CNTN5: variants seen among roughly 807,000 people sequenced by gnomAD.
The protein encoded by CNTN5 is contactin-5.
In CNTN5, 77 loss-of-function variants were observed where a neutral mutation model predicts 129.1. The ratio of observed to expected loss-of-function variants is 0.60; its 90% CI spans 0.50 to 0.72. The LOEUF (loss-of-function observed/expected upper bound fraction) is 0.72, where lower values mean the gene tolerates loss of function less well. CNTN5 is among the 30% of genes least tolerant of loss of function. The pLI is 0.00. For synonymous variants in CNTN5, 509 were observed against 465.6 expected, an observed-to-expected ratio of 1.09 and a Z score of -1.20; for missense variants, 1,478 against 1,328.8, an observed-to-expected ratio of 1.11 and a Z score of -1.75.
At chr11:100,180,255 G>A (rs57551351) in intron 13 of CNTN5, among the ~76,000 whole-genome samples, 4,712 of 152,078 alleles carry the variant, frequency 0.031, 245 homozygotes, top group African/African-American at 0.11. Flanking sequence ...TAATGCTGGT[G>A]CAGGAATAGA....
chr11:99,111,532 C>T (rs950670302), intron 1 of CNTN5, among the ~76,000 whole-genome samples: 3 of 151,950 alleles, frequency 2.0e-5, no homozygotes, highest in Admixed American at 6.6e-5. Context: ...CAGAAAATTA[C>T]GGAGTCAGTG....
chr11:100,052,340 C>A (rs1023185679), intron 9 of CNTN5, among the ~76,000 whole-genome samples: 2 of 151,582 alleles, frequency 1.3e-5, no homozygotes, highest in Non-Finnish European at 3.0e-5. Context: ...TAACGGGAGA[C>A]CTGGACAGTA....
At chr11:99,551,875 T>C (rs1217456397) in intron 2 of CNTN5, among the ~76,000 whole-genome samples, 3 of 152,036 alleles carry the variant, frequency 2.0e-5, no homozygotes, top group Admixed American at 1.3e-4. Context: ...AGCACATGAC[T>C]GTAGTATGAA....
intron 3 of CNTN5, 147 bp from the exon 4 acceptor site, chr11:99,819,397 C>T (rs1350612032): frequency 1.6e-6 from 1 of 614,258 alleles, no homozygotes; most frequent in Non-Finnish European, 2.7e-6. Context: ...ATAAAAGTAA[C>T]ATTTTTTCAC....
chr11:99,649,800 C>G (rs568758920), intron 3 of CNTN5, among the ~76,000 whole-genome samples: 3 of 151,654 alleles, frequency 2.0e-5, no homozygotes, highest in Admixed American at 1.3e-4. Flanking sequence ...AGACTTGATT[C>G]ATTTGGCTCT....
At position 99,197,208 on chromosome 11, in the gene CNTN5, A is replaced by G. The variant is rs1305566889; in HGVS notation, c.-209-128138A>G. 3.3e-5 allele frequency among the ~76,000 whole-genome samples: 5 copies of G among 152,014 alleles called. No homozygotes were observed. The East Asian group carries it at 9.6e-4, about 29-fold the overall frequency. ...GAATGATTAATATGTTAGATACAACATATTCTTTGACCACAAAATTATACA... is the reference window on the plus strand; with the variant it reads ...GAATGATTAATATGTTAGATACAACGTATTCTTTGACCACAAAATTATACA... On this transcript the variant is annotated intron_variant, in intron 1 of 24. Transcript: ENST00000524871.
chr11:99,311,077 C>T (rs1051825452), intron 1 of CNTN5, among the ~76,000 whole-genome samples: 1 of 152,034 alleles, frequency 6.6e-6, no homozygotes, highest in Admixed American at 6.6e-5. Context: ...TACAGGTGCA[C>T]GATACCACGC....
Position 99,029,818 on chromosome 11 carries a change from C to T in CNTN5, c.-210+8548C>T, listed in dbSNP as rs369737228. ...TTCTCAGTTTTTCCCTTTACTGTGA[C>T]TTGTACAGGTCACCTTGCTTCTCTC... is the stretch of plus-strand genomic sequence containing the variant. On this transcript the variant is annotated intron_variant, in intron 1 of 24. Transcript: ENST00000524871. 4.3e-4 allele frequency among the ~76,000 whole-genome samples: 66 copies of T among 152,198 alleles called. 1 individual carries two copies. The South Asian group carries it at 0.013, about 31-fold the overall frequency.
At chr11:100,328,392 A>G (rs973881691) in intron 21 of CNTN5, among the ~76,000 whole-genome samples, 5 of 152,128 alleles carry the variant, frequency 3.3e-5, no homozygotes, top group African/African-American at 1.2e-4. Flanking sequence ...CCTTCTTGCA[A>G]TCCTATGAAG....
chr11:99,115,174 T>C (rs1857983955), intron 1 of CNTN5, among the ~76,000 whole-genome samples: 1 of 152,158 alleles, frequency 6.6e-6, no homozygotes, highest in Admixed American at 6.5e-5. Context: ...GTGGTATTTT[T>C]GTTATAGCAC....
intron 1 of CNTN5, among the ~76,000 whole-genome samples, chr11:99,096,998 G>A (rs368842174): frequency 1.3e-5 from 2 of 151,852 alleles, no homozygotes; most frequent in African/African-American, 4.8e-5. Flanking sequence ...TGTTGTGTAT[G>A]TGTATACAGT....
Position 99,889,331 on chromosome 11 carries a change from TGTG to T in CNTN5, c.578-26722_578-26720del, listed in dbSNP as rs1565642845. The stretch of plus-strand genomic sequence containing the variant: ...GTGTGTGTGTGTGTGTGTGTGTGTG[TGTG>T]TGTGTGTGTGTGTGTGTGTGTGTAT... On this transcript the variant is annotated intron_variant, in intron 6 of 24. Transcript: ENST00000524871. Among the ~76,000 whole-genome samples the T allele has an allele frequency of 3.2e-3, 181 of 57,266 alleles. 5 individuals are homozygous for T. The highest frequency in any genetic ancestry group is 0.01 in the Middle Eastern group (1 of 96). The allele number at this position is 57,266 out of a possible 152,430, so 37.6% of individuals were successfully genotyped here.
intron 7 of CNTN5, among the ~76,000 whole-genome samples, chr11:99,955,567 C>G (rs555375121): frequency 2.0e-5 from 3 of 151,508 alleles, no homozygotes; most frequent in African/African-American, 7.2e-5. Flanking sequence ...TGTAATTTCC[C>G]CTTTTTTTTT....
chr11:99,380,058 A>G (rs1381743169), intron 2 of CNTN5, among the ~76,000 whole-genome samples: 2 of 150,208 alleles, frequency 1.3e-5, no homozygotes, highest in South Asian at 2.1e-4. Context: ...CCCGTATACA[A>G]TGGTGGTCTC....
intron 2 of CNTN5, among the ~76,000 whole-genome samples, chr11:99,498,034 A>G (rs1416780064): frequency 6.6e-6 from 1 of 152,146 alleles, no homozygotes; most frequent in Non-Finnish European, 1.5e-5. Flanking sequence ...GTTCAGGCGT[A>G]TAGTCTTGCC....
chr11:99,733,321 CAAAAAAA>C (rs35576351), intron 3 of CNTN5, among the ~76,000 whole-genome samples: 2 of 96,196 alleles, frequency 2.1e-5, no homozygotes, highest in African/African-American at 7.1e-5. Flanking sequence ...GATTCTGTCT[CAAAAAAA>C]AAAAAAAAAA....
At chr11:100,272,630 AT>A (rs1381224072) in intron 18 of CNTN5, among the ~76,000 whole-genome samples, 1 of 152,148 alleles carries the variant, frequency 6.6e-6, no homozygotes, top group Admixed American at 6.5e-5. Context: ...CTCCTAACAG[AT>A]CTTCACAGGG....
At chr11:99,531,263 C>T (rs10893463) in intron 2 of CNTN5, among the ~76,000 whole-genome samples, 40,126 of 151,972 alleles carry the variant, frequency 0.26, 5,768 homozygotes, top group Non-Finnish European at 0.31. Flanking sequence ...TAGAGATTTG[C>T]GGAACTTTGA....
intron 2 of CNTN5, among the ~76,000 whole-genome samples, chr11:99,419,209 A>G (rs201043630): frequency 6.6e-6 from 1 of 152,178 alleles, no homozygotes; most frequent in Non-Finnish European, 1.5e-5. Context: ...ACAGCACTGC[A>G]CAGCCTCAGG....
Sources: gnomAD v4.1 joint callset for allele counts (sites outside exome capture counted in the v4.1 genomes callset) on GRCh38, gnomAD v4.1.1 for gene constraint, MANE v1.5 for transcripts, NCBI Gene and HGNC (gene_info 2026-07-23, HGNC 2026-07-21) for gene names.